The following CTNNA3 variants were observed in gnomAD, a reference collection of about 807,000 sequenced individuals.
CTNNA3 encodes the protein catenin alpha 3, also known as catenin alpha-3.
CTNNA3 carries 76 observed loss-of-function variants against 95.7 expected under a neutral mutation model. The observed-to-expected ratio is 0.79, with a 90% CI of 0.66 to 0.96. CTNNA3 has a LOEUF of 0.96. Ranked by LOEUF, CTNNA3 falls within the 40% of genes least tolerant of loss-of-function variation. The pLI is 0.00. For missense variants in CTNNA3, 1,191 were observed against 1,089.8 expected, an observed-to-expected ratio of 1.09 and a Z score of -1.31; for synonymous variants, 431 against 374.4, an observed-to-expected ratio of 1.15 and a Z score of -1.74.
chr10:67,581,332 T>G (rs1185529437), intron 3 of CTNNA3, among the ~76,000 whole-genome samples: 3 of 152,190 alleles, frequency 2.0e-5, no homozygotes, highest in African/African-American at 4.8e-5. Flanking sequence ...GGTTTTTGTC[T>G]TTGGTTCTGT....
intron 11 of CTNNA3, among the ~76,000 whole-genome samples, chr10:66,483,308 T>A (rs1193780348): frequency 1.3e-5 from 2 of 152,286 alleles, no homozygotes; most frequent in Non-Finnish European, 2.9e-5. Flanking sequence ...AATATCCTGA[T>A]TTTGATAAAG....
At position 66,360,605 on chromosome 10, in the gene CTNNA3, T is replaced by TTC. The variant is rs143750397; in HGVS notation, c.1732+18545_1732+18546dup. The stretch of plus-strand genomic sequence containing the variant: ...TCTAATGTATTCTTTCCTTCTTTCT[T>TTC]TCTTTCTTTCTTTCTTTCTTTCTTT... On this transcript the variant is annotated intron_variant, in intron 12 of 17. Transcript: ENST00000433211. 5.5e-4 allele frequency among the ~76,000 whole-genome samples: 29 copies of TTC among 52,874 alleles called. No homozygotes were observed. The South Asian group carries it at 0.026, about 48-fold the overall frequency. 34.7% of individuals were successfully genotyped at this position (52,874 alleles called of 152,430 possible).
At chr10:66,459,576 C>G (rs1473481539) in intron 11 of CTNNA3, among the ~76,000 whole-genome samples, 1 of 152,136 alleles carries the variant, frequency 6.6e-6, no homozygotes, top group Non-Finnish European at 1.5e-5. Flanking sequence ...CCATGCATCA[C>G]TTAATGGTGG....
chr10:67,149,368 G>A (rs1028597616), intron 7 of CTNNA3, among the ~76,000 whole-genome samples: 1 of 152,102 alleles, frequency 6.6e-6, no homozygotes, highest in Non-Finnish European at 1.5e-5. Flanking sequence ...GGCAGATCAT[G>A]AGGTCAGGAG....
At chr10:67,506,770 C>T (rs180671192) in intron 5 of CTNNA3, among the ~76,000 whole-genome samples, 73 of 152,258 alleles carry the variant, frequency 4.8e-4, no homozygotes, top group African/African-American at 1.7e-3. Flanking sequence ...AGATGTACAG[C>T]TTGGATACAA....
chr10:66,271,114 C>A (rs971083496), intron 13 of CTNNA3, among the ~76,000 whole-genome samples: 16 of 152,100 alleles, frequency 1.1e-4, no homozygotes, highest in Non-Finnish European at 1.6e-4. Flanking sequence ...GTGACTTTCC[C>A]TACCAGTATA....
At chr10:66,975,048 T>A (rs1037256700) in intron 7 of CTNNA3, among the ~76,000 whole-genome samples, 1 of 152,118 alleles carries the variant, frequency 6.6e-6, no homozygotes, top group African/African-American at 2.4e-5. Context: ...TAATCTGGTA[T>A]TTTAGACTCC....
At chr10:67,232,192 T>G (rs1865245196) in intron 5 of CTNNA3, among the ~76,000 whole-genome samples, 1 of 151,760 alleles carries the variant, frequency 6.6e-6, no homozygotes, top group African/African-American at 2.4e-5. Context: ...GAAGAGCAAC[T>G]CCAAGACACA....
Position 67,451,905 on chromosome 10 carries a change from T to C in CTNNA3, c.579+69937A>G, listed in dbSNP as rs1435485900. Reference sequence around the variant, plus strand: ...ATTCTTCATCACTTTTTCTTTTATATACACTATCCAAACAGGTTAAGTAAT... The same window carrying C: ...ATTCTTCATCACTTTTTCTTTTATACACACTATCCAAACAGGTTAAGTAAT... On this transcript the variant is annotated intron_variant, in intron 5 of 17. Coordinates refer to ENST00000433211, the MANE Select transcript of CTNNA3 (RefSeq NM_013266.4). 2.0e-5 allele frequency among the ~76,000 whole-genome samples: 3 copies of C among 152,162 alleles called. No individual in the cohort carries two copies. In the East Asian group the frequency reaches 5.8e-4, roughly 29 times the overall value.
intron 17 of CTNNA3, among the ~76,000 whole-genome samples, chr10:65,933,043 C>A (rs961718905): frequency 6.6e-6 from 1 of 152,018 alleles, no homozygotes; most frequent in African/African-American, 2.4e-5. Context: ...CTGAATGGTG[C>A]GTGTATGTAT....
intron 13 of CTNNA3, among the ~76,000 whole-genome samples, chr10:66,111,323 T>G (rs988405885): frequency 1.3e-5 from 2 of 152,214 alleles, no homozygotes; most frequent in African/African-American, 2.4e-5. Context: ...CCATGCTTCC[T>G]GTACAGCCTG....
intron 5 of CTNNA3, among the ~76,000 whole-genome samples, chr10:67,388,270 C>G (rs1204958529): frequency 7.7e-6 from 1 of 130,386 alleles, no homozygotes; most frequent in Admixed American, 8.2e-5. Context: ...AATGCAGAAG[C>G]CTCAGGAGCC....
rs1265415060 is a variant in CTNNA3, at chr10:67,317,412, T to C, written c.580-97542A>G. On this transcript the variant is annotated intron_variant, in intron 5 of 17. Transcript: ENST00000433211. Reference sequence around the variant, plus strand: ...CGTGTGTGATGTTCCCCTTCCTGTGTCCATGTGTTCTCATTGTTCTTTTTT... The same window carrying C: ...CGTGTGTGATGTTCCCCTTCCTGTGCCCATGTGTTCTCATTGTTCTTTTTT... Among the ~76,000 whole-genome samples the C allele has an allele frequency of 5.9e-5, 8 of 135,520 alleles. No individual in the cohort carries two copies. In the East Asian group the frequency reaches 1.9e-3, roughly 31 times the overall value. The allele number at this position is 135,520 out of a possible 152,430, so 88.9% of individuals were successfully genotyped here.
chr10:65,975,852 GTTA>G (rs1477983925), intron 16 of CTNNA3, among the ~76,000 whole-genome samples: 2 of 151,900 alleles, frequency 1.3e-5, no homozygotes, highest in African/African-American at 2.4e-5. Context: ...ATCATTTTTT[GTTA>G]TTATTGCTTT....
intron 7 of CTNNA3, among the ~76,000 whole-genome samples, chr10:66,964,522 G>C (rs1223554697): frequency 6.6e-6 from 1 of 152,122 alleles, no homozygotes; most frequent in East Asian, 1.9e-4. Flanking sequence ...ATTTCCTAAG[G>C]AATGTGCTCA....
chr10:67,643,134 T>C (rs143741911), intron 2 of CTNNA3, among the ~76,000 whole-genome samples: 1 of 152,184 alleles, frequency 6.6e-6, no homozygotes, highest in African/African-American at 2.4e-5. Context: ...TGGAATACTA[T>C]GCAGTCATAA....
chr10:66,703,277 A>C (rs1357210063), intron 9 of CTNNA3, among the ~76,000 whole-genome samples: 1 of 152,136 alleles, frequency 6.6e-6, no homozygotes, highest in Non-Finnish European at 1.5e-5. Context: ...CCTTCATGCT[A>C]AACTCCTTCT....
chr10:66,953,529 G>A (rs968239206), intron 7 of CTNNA3, among the ~76,000 whole-genome samples: 4 of 152,022 alleles, frequency 2.6e-5, no homozygotes, highest in Non-Finnish European at 5.9e-5. Flanking sequence ...AAGACTCTTT[G>A]CTTGAAACAG....
At chr10:66,698,022 GA>G (rs1193838291) in intron 9 of CTNNA3, among the ~76,000 whole-genome samples, 7 of 152,022 alleles carry the variant, frequency 4.6e-5, no homozygotes, top group Admixed American at 3.3e-4. Context: ...TTCTGAACAA[GA>G]AAAAAATCTG....
Sources: gnomAD v4.1 joint callset for allele counts (sites outside exome capture counted in the v4.1 genomes callset) on GRCh38, gnomAD v4.1.1 for gene constraint, MANE v1.5 for transcripts, NCBI Gene and HGNC (gene_info 2026-07-23, HGNC 2026-07-21) for gene names.